Variants in PREX1 observed in about 807,000 individuals in gnomAD.
The protein encoded by PREX1 is phosphatidylinositol 3,4,5-trisphosphate-dependent Rac exchanger 1 protein.
Under a neutral mutation model 198.3 loss-of-function variants are expected in PREX1, and 41 were observed. That is an observed-to-expected ratio of 0.21 (90% CI 0.16 to 0.27). PREX1 has a LOEUF of 0.27. Ranked by LOEUF, PREX1 falls within the 10% of genes least tolerant of loss-of-function variation. The pLI, the probability that PREX1 is intolerant of heterozygous loss-of-function variation, is 1.00. For missense variants in PREX1, 1,620 were observed against 2,200.7 expected (o/e 0.74, Z 5.28); for synonymous variants, 843 against 887.2 (o/e 0.95, Z 0.89).
upstream of PREX1, among the ~76,000 whole-genome samples, chr20:48,831,378 CAAGAGAG>C (rs1180947494): frequency 6.6e-6 from 1 of 152,136 alleles, no homozygotes; most frequent in Admixed American, 6.5e-5. Flanking sequence ...GATCTGTTGT[CAAGAGAG>C]AAGAGGAGCT....
rs2089476927 is a variant in PREX1 at position 48,649,585 on chromosome 20, G to A, written c.3029-9C>T. 6.4e-7 allele frequency: 1 copy of A among 1,569,332 alleles called. No individual in the cohort carries two copies. Among genetic ancestry groups the A allele is most frequent in the African/African-American group, 1.4e-5 (1 of 73,986 alleles). On this transcript the variant is annotated splice_polypyrimidine_tract_variant and intron_variant, in intron 24 of 39. Transcript: ENST00000371941. ...CATGGGGTTCAGGTGGCCTGCAGTG[G>A]AGGAAGAGAGAGCTCACTGGAAAAC...
chr20:48,636,354 G>T, intron 32 of PREX1, 109 bp downstream of exon 32: 1 of 1,146,020 alleles, frequency 8.7e-7, no homozygotes, highest in Non-Finnish European at 1.2e-6. Context: ...CTGCGGGAAT[G>T]ACGAGGCCAG....
At chr20:48,636,713 G>A in intron 31 of PREX1, 30 bp from the exon 32 acceptor site, 3 of 1,557,170 alleles carry the variant, frequency 1.9e-6, no homozygotes, top group Non-Finnish European at 2.6e-6. Flanking sequence ...GGCCTTGCTG[G>A]AGGGGCGCTC....
intron 1 of PREX1, among the ~76,000 whole-genome samples, chr20:48,789,840 A>C (rs1021719272): frequency 6.6e-6 from 1 of 152,064 alleles, no homozygotes; most frequent in African/African-American, 2.4e-5. Context: ...ACGGATGACA[A>C]ATGGATGGAC....
intron 15 of PREX1, among the ~76,000 whole-genome samples, chr20:48,661,306 C>T (rs1349728645): frequency 3.4e-5 from 5 of 148,834 alleles, no homozygotes; most frequent in Non-Finnish European, 7.4e-5. Context: ...GTAATCCCAG[C>T]TACTCGCAAG....
chr20:48,677,681 T>C (rs1379017091), intron 13 of PREX1, among the ~76,000 whole-genome samples: 1 of 152,214 alleles, frequency 6.6e-6, no homozygotes, highest in Non-Finnish European at 1.5e-5. Flanking sequence ...GTAGCCATTT[T>C]AATTTAAATT....
chr20:48,634,799 G>C (rs772082066), intron 32 of PREX1, 24 bp from the exon 33 acceptor site: 1 of 1,606,236 alleles, frequency 6.2e-7, no homozygotes, highest in Admixed American at 1.7e-5. Flanking sequence ...ACAGCGCGGA[G>C]GAGTCTCAGA....
the PREX1 span, among the ~76,000 whole-genome samples, chr20:48,853,012 A>G: frequency 6.6e-5 from 10 of 152,212 alleles, no homozygotes; most frequent in African/African-American, 2.4e-5. Flanking sequence ...GTAAATGCAC[A>G]GAATTGCCTG....
intron 5 of PREX1, among the ~76,000 whole-genome samples, chr20:48,715,280 AC>A (rs894868913): frequency 2.6e-5 from 4 of 152,190 alleles, no homozygotes; most frequent in Non-Finnish European, 5.9e-5. Flanking sequence ...AGTGCAAGAG[AC>A]CACTGTTTGA....
chr20:48,848,877 C>T, the PREX1 span, among the ~76,000 whole-genome samples: 3 of 152,188 alleles, frequency 2.0e-5, no homozygotes, highest in African/African-American at 4.8e-5. Context: ...GCTGGGACTA[C>T]AGGCACACAC....
At chr20:48,877,194 C>T in the PREX1 span, among the ~76,000 whole-genome samples, 5,124 of 151,896 alleles carry the variant, frequency 0.034, 311 homozygotes, top group African/African-American at 0.12. Context: ...TTGCTTGAAC[C>T]CAGAAGGTGG....
rs371982313 is a variant in PREX1, at chr20:48,745,132, T to C, written c.307A>G (p.Ile103Val). 33 of 1,614,008 alleles carry C rather than the reference T, an allele frequency of 2.0e-5. No homozygotes were observed. Among genetic ancestry groups the C allele is most frequent in the Non-Finnish European group, 2.6e-5 (31 of 1,179,954 alleles). The change falls in exon 3 of 40, where the codon ATC (isoleucine) becomes GTC (valine). Residue 103 changes from isoleucine (I) to valine (V), a missense_variant. Physicochemically the swap from Ile to Val is conservative, Grantham distance 29 (BLOSUM62 3). Coordinates refer to ENST00000371941, the MANE Select transcript of PREX1 (RefSeq NM_020820.4). Reference protein sequence around the residue: ...EENVKVLFSNIEDILEVHKDF... With the variant: ...EENVKVLFSNVEDILEVHKDF... ...TTATGAACTTCCAGGATGTCTTCGA[T>C]GTTCGAGAACAGGACCTGTGAGGAA...
intron 1 of PREX1, among the ~76,000 whole-genome samples, chr20:48,757,870 A>G (rs2090161989): frequency 6.6e-6 from 1 of 152,242 alleles, no homozygotes; most frequent in Non-Finnish European, 1.5e-5. Context: ...ATACAAAAGG[A>G]AAACTGCATT....
At chr20:48,669,637 T>G (rs1415792707) in intron 14 of PREX1, among the ~76,000 whole-genome samples, 1 of 151,842 alleles carries the variant, frequency 6.6e-6, no homozygotes, top group Non-Finnish European at 1.5e-5. Context: ...GAAAACTGAT[T>G]CTGAACTCAC....
intron 1 of PREX1, among the ~76,000 whole-genome samples, chr20:48,801,910 C>T (rs1408974376): frequency 3.3e-5 from 5 of 152,124 alleles, no homozygotes; most frequent in African/African-American, 7.2e-5. Flanking sequence ...AAAGCCAAGA[C>T]GCCCCTTGGG....
intron 16 of PREX1, among the ~76,000 whole-genome samples, chr20:48,659,467 C>G (rs2089573669): frequency 6.6e-6 from 1 of 152,006 alleles, no homozygotes; most frequent in African/African-American, 2.4e-5. Flanking sequence ...GAACAGCAGT[C>G]CCTGCAGTAC....
intron 23 of PREX1, among the ~76,000 whole-genome samples, 173 bp downstream of exon 23, chr20:48,650,721 C>G (rs73326941): frequency 0.021 from 3,161 of 152,336 alleles, 125 homozygotes; most frequent in African/African-American, 0.073. Context: ...AGAGGCCGCA[C>G]TGCTATGATG....
At chr20:48,740,545 T>TG in intron 3 of PREX1, among the ~76,000 whole-genome samples, 1 of 152,110 alleles carries the variant, frequency 6.6e-6, no homozygotes, top group Non-Finnish European at 1.5e-5. Context: ...GTGGCTGGGG[T>TG]GGAGCCTCTG....
intron 5 of PREX1, among the ~76,000 whole-genome samples, chr20:48,708,841 G>A (rs1422680587): frequency 6.6e-6 from 1 of 152,144 alleles, no homozygotes; most frequent in Admixed American, 6.5e-5. Context: ...CAGTGTGTCT[G>A]GGGTGGAATA....
Sources: allele counts gnomAD v4.1 joint callset (sites outside exome capture counted in the v4.1 genomes callset), GRCh38; gene constraint gnomAD v4.1.1; transcripts MANE v1.5; gene names NCBI Gene and HGNC (gene_info 2026-07-23, HGNC 2026-07-21).